Variants in RAP1GDS1 observed in about 807,000 individuals in gnomAD.
RAP1GDS1 encodes the protein Rap1 GTPase-GDP dissociation stimulator 1.
A neutral mutation model predicts 71.1 loss-of-function variants in RAP1GDS1; 35 were observed. That is an observed-to-expected ratio of 0.49 (90% CI 0.38 to 0.65). The LOEUF (loss-of-function observed/expected upper bound fraction) is 0.65, where lower values mean the gene tolerates loss of function less well. Among genes scored for constraint, RAP1GDS1 ranks in the 30% least tolerant of loss-of-function variants. RAP1GDS1 has a pLI of 0.00. For missense variants in RAP1GDS1, 663 were observed against 706.1 expected, an observed-to-expected ratio of 0.94 and a Z score of 0.69; for synonymous variants, 229 against 243.1, an observed-to-expected ratio of 0.94 and a Z score of 0.54.
intron 2 of RAP1GDS1, among the ~76,000 whole-genome samples, chr4:98,299,459 G>C (rs1280151533): frequency 3.3e-5 from 5 of 152,148 alleles, no homozygotes; most frequent in Non-Finnish European, 2.9e-5. Context: ...ATGACTTTGA[G>C]TAGTTCAAAA....
At chr4:98,399,759 T>C (rs1235960420) in intron 6 of RAP1GDS1, among the ~76,000 whole-genome samples, 1 of 152,166 alleles carries the variant, frequency 6.6e-6, no homozygotes, top group Non-Finnish European at 1.5e-5. Flanking sequence ...AGGATGGCTA[T>C]TATTAAAAAG....
At chr4:98,373,674 A>G (rs1740734577) in intron 4 of RAP1GDS1, among the ~76,000 whole-genome samples, 2 of 152,188 alleles carry the variant, frequency 1.3e-5, no homozygotes, top group Admixed American at 1.3e-4. Flanking sequence ...CTTGAAACCA[A>G]AGGTAGTACC....
At chr4:98,281,701 A>G (rs2110253536) in intron 1 of RAP1GDS1, among the ~76,000 whole-genome samples, 1 of 152,278 alleles carries the variant, frequency 6.6e-6, no homozygotes, top group African/African-American at 2.4e-5. Flanking sequence ...TTGAAAGGGA[A>G]TGCTTCCAGT....
chr4:98,418,733 T>C lies in RAP1GDS1; in HGVS notation c.1116T>C (p.Asp372=). The C allele has an allele frequency of 6.2e-7, 1 of 1,612,934 alleles. No individual in the cohort carries two copies. The highest frequency in any genetic ancestry group is 1.1e-5 in the South Asian group (1 of 90,832). ...LMDLLDRHVE[D]GNVTVQHAAL... is the part of the protein sequence containing the mutation. ...ATTTACTGGACAGACATGTAGAAGA[T>C]GGAAATGTAACAGTACAGCATGCAG... The change falls in exon 10 of 15, where the codon GAT becomes GAC. Residue 372 remains aspartate (D), a synonymous_variant. Transcript: ENST00000408927.
chr4:98,384,650 T>C (rs1249445848), intron 5 of RAP1GDS1, among the ~76,000 whole-genome samples: 1 of 151,684 alleles, frequency 6.6e-6, no homozygotes, highest in African/African-American at 2.4e-5. Flanking sequence ...TGATTTTCAG[T>C]AGAGGTGTAT....
intron 2 of RAP1GDS1, among the ~76,000 whole-genome samples, chr4:98,298,494 C>T (rs1398316366): frequency 6.6e-6 from 1 of 152,114 alleles, no homozygotes; most frequent in Non-Finnish European, 1.5e-5. Flanking sequence ...TCCTGGGGCC[C>T]TTCAGAATGA....
At chr4:98,437,638 C>CA (rs1324021949) in intron 14 of RAP1GDS1, among the ~76,000 whole-genome samples, 1 of 151,774 alleles carries the variant, frequency 6.6e-6, no homozygotes, top group Non-Finnish European at 1.5e-5. Context: ...ACTAAAAACA[C>CA]AAAAATTAGC....
chr4:98,380,878 G>C (rs758024857), intron 5 of RAP1GDS1, among the ~76,000 whole-genome samples: 24 of 151,600 alleles, frequency 1.6e-4, no homozygotes, highest in Non-Finnish European at 3.4e-4. Context: ...TAACCTAGCT[G>C]TTAGTTCTTT....
At chr4:98,348,738 T>A (rs529929153) in intron 3 of RAP1GDS1, among the ~76,000 whole-genome samples, 1 of 152,226 alleles carries the variant, frequency 6.6e-6, no homozygotes, top group Non-Finnish European at 1.5e-5. Flanking sequence ...CATTTTTTCA[T>A]GTGTCTGTTG....
At chr4:98,294,143 A>C (rs983393606) in intron 2 of RAP1GDS1, among the ~76,000 whole-genome samples, 1 of 151,902 alleles carries the variant, frequency 6.6e-6, no homozygotes, top group Non-Finnish European at 1.5e-5. Flanking sequence ...CTAGTCACTA[A>C]TTTCTGTATT....
intron 5 of RAP1GDS1, among the ~76,000 whole-genome samples, chr4:98,382,464 T>G (rs923296222): frequency 6.6e-6 from 1 of 151,604 alleles, no homozygotes; most frequent in Admixed American, 6.6e-5. Context: ...TGTTGACACT[T>G]TGACATTCAG....
chr4:98,392,035 C>T lies in RAP1GDS1; in HGVS notation c.592C>T (p.Leu198Phe), dbSNP rs1743778570. 1.2e-6 allele frequency: 2 copies of T among 1,612,850 alleles called. No individual in the cohort carries two copies. The highest frequency in any genetic ancestry group is 1.3e-5 in the African/African-American group (1 of 74,984). ...GGGCATCCACTGCCAAAATGCAGCT[C>T]TTACAGAAATGTGTCTTGTTGCATT... ...LLGIHCQNAA[L>F]TEMCLVAFGN... The change falls in exon 6 of 15, where the codon CTT becomes TTT. Residue 198 changes from leucine (L) to phenylalanine (F), a missense_variant. Coordinates refer to ENST00000408927, the MANE Select transcript of RAP1GDS1 (RefSeq NM_001100427.2).
At chr4:98,366,267 C>A (rs368484923) in intron 4 of RAP1GDS1, among the ~76,000 whole-genome samples, 1 of 152,076 alleles carries the variant, frequency 6.6e-6, no homozygotes. Flanking sequence ...GGGGAGTTTT[C>A]GTGCACAAGC....
At position 98,276,041 on chromosome 4, in the gene RAP1GDS1, A is replaced by AT. The variant is rs371037140; in HGVS notation, c.4+14481dup. Among the ~76,000 whole-genome samples, 145 of 151,664 alleles carry AT rather than the reference A, an allele frequency of 9.6e-4. 2 individuals carry two copies. Among genetic ancestry groups the AT allele is most frequent in the African/African-American group, 3.3e-3 (136 of 41,306 alleles). ...ATATTGGGTGGCATATAAACAACAG[A>AT]TTTTTTTTTCCCACAGTTCTGGTGA... On this transcript the variant is annotated intron_variant, in intron 1 of 14. Transcript: ENST00000408927.
intron 14 of RAP1GDS1, among the ~76,000 whole-genome samples, chr4:98,437,531 T>C (rs1465368660): frequency 1.3e-5 from 2 of 152,096 alleles, no homozygotes; most frequent in East Asian, 3.9e-4. Context: ...CGGTGGCTCA[T>C]GCCTGTACTC....
intron 4 of RAP1GDS1, among the ~76,000 whole-genome samples, chr4:98,358,653 AAGTG>A (rs999522040): frequency 2.0e-5 from 3 of 152,162 alleles, no homozygotes; most frequent in East Asian, 3.9e-4. Flanking sequence ...ACTAGCATGA[AAGTG>A]AGTATTTTAA....
chr4:98,296,387 TTTTC>T (rs1173326446), intron 2 of RAP1GDS1, among the ~76,000 whole-genome samples: 1 of 152,064 alleles, frequency 6.6e-6, no homozygotes, highest in African/African-American at 2.4e-5. Flanking sequence ...TTTAGAGTGG[TTTTC>T]TTTTTTTACC....
At chr4:98,317,041 A>G (rs1304017196) in intron 2 of RAP1GDS1, among the ~76,000 whole-genome samples, 1 of 152,062 alleles carries the variant, frequency 6.6e-6, no homozygotes. Context: ...TTTTGTCATT[A>G]TAATCTTTTC....
At chr4:98,351,853 T>C (rs1430281902) in intron 3 of RAP1GDS1, among the ~76,000 whole-genome samples, 1 of 152,008 alleles carries the variant, frequency 6.6e-6, no homozygotes, top group East Asian at 1.9e-4. Context: ...AATGTATGGG[T>C]ATAGCAGCAG....
Sources: gnomAD v4.1 joint callset for allele counts (sites outside exome capture counted in the v4.1 genomes callset) on GRCh38, gnomAD v4.1.1 for gene constraint, MANE v1.5 for transcripts, NCBI Gene and HGNC (gene_info 2026-07-23, HGNC 2026-07-21) for gene names.